SLC7A14: variants seen among roughly 807,000 people sequenced by gnomAD.
SLC7A14 encodes the protein gamma-aminobutyric acid transporter SLC7A14.
A neutral mutation model predicts 60.2 loss-of-function variants in SLC7A14; 37 were observed. The observed-to-expected ratio is 0.61, with a 90% CI of 0.47 to 0.81. SLC7A14 has a LOEUF of 0.81. Among genes scored for constraint, SLC7A14 ranks in the 30% least tolerant of loss-of-function variants. SLC7A14 has a pLI of 0.00. For missense variants in SLC7A14, 886 were observed against 982.7 expected, an observed-to-expected ratio of 0.90 and a Z score of 1.32; for synonymous variants, 399 against 395.8, an observed-to-expected ratio of 1.01 and a Z score of -0.10.
At chr3:170,555,540 A>T (rs547680907) in intron 1 of SLC7A14, among the ~76,000 whole-genome samples, 8 of 152,310 alleles carry the variant, frequency 5.3e-5, no homozygotes, top group African/African-American at 1.9e-4. Flanking sequence ...AGGCAATTTC[A>T]TCACTGTGCA....
chr3:170,493,510 T>A (rs1712283267), intron 4 of SLC7A14, among the ~76,000 whole-genome samples: 1 of 152,116 alleles, frequency 6.6e-6, no homozygotes. Context: ...AAGAATAAAG[T>A]GGGTTGGACC....
intron 1 of SLC7A14, among the ~76,000 whole-genome samples, chr3:170,573,018 A>G (rs1030968891): frequency 1.3e-5 from 2 of 152,204 alleles, no homozygotes; most frequent in Non-Finnish European, 2.9e-5. Flanking sequence ...TTCCTTCAGC[A>G]TTTTGTAGAT....
At chr3:170,510,703 C>T (rs2108285740) in intron 2 of SLC7A14, among the ~76,000 whole-genome samples, 1 of 152,316 alleles carries the variant, frequency 6.6e-6, no homozygotes, top group South Asian at 2.1e-4. Flanking sequence ...CCAAGCCAAT[C>T]TTCTGGCCCA....
At chr3:170,554,896 C>T (rs776758645) in intron 1 of SLC7A14, among the ~76,000 whole-genome samples, 1 of 152,086 alleles carries the variant, frequency 6.6e-6, no homozygotes, top group Non-Finnish European at 1.5e-5. Flanking sequence ...GGGACGGGCG[C>T]GGTGGCTCAC....
chr3:170,570,450 A>AAAAATAAAATAAAATAAAAT (rs572254632), intron 1 of SLC7A14: 3,390 of 145,054 alleles, frequency 0.023, 116 homozygotes, highest in African/African-American at 0.074. Context: ...CCCTGTCTCA[A>AAAAATAAAATAAAATAAAAT]AAAATAAAAT....
chr3:170,493,996 A>G (rs925688228), intron 4 of SLC7A14, among the ~76,000 whole-genome samples: 2 of 152,248 alleles, frequency 1.3e-5, no homozygotes, highest in Non-Finnish European at 2.9e-5. Flanking sequence ...TTTCTTGGCC[A>G]ATGACAAATC....
chr3:170,550,812 G>A (rs1039938546), intron 1 of SLC7A14, among the ~76,000 whole-genome samples: 3 of 151,904 alleles, frequency 2.0e-5, no homozygotes, highest in South Asian at 2.1e-4. Flanking sequence ...ATGAGACACC[G>A]CGCCCAACCA....
intron 4 of SLC7A14, chr3:170,495,863 G>GAAC: frequency 7.9e-7 from 1 of 1,259,498 alleles, no homozygotes; most frequent in East Asian, 2.3e-5. Flanking sequence ...AGAGCTACAT[G>GAAC]AACAACCTTA....
chr3:170,509,550 C>A (rs1712899559), intron 2 of SLC7A14, among the ~76,000 whole-genome samples: 1 of 152,228 alleles, frequency 6.6e-6, no homozygotes, highest in African/African-American at 2.4e-5. Context: ...TGGCTCACAC[C>A]TGTAATCCCA....
chr3:170,523,243 A>G (rs1395689846), intron 2 of SLC7A14, among the ~76,000 whole-genome samples: 1 of 152,240 alleles, frequency 6.6e-6, no homozygotes, highest in African/African-American at 2.4e-5. Context: ...ACAGCTAGTC[A>G]GTGGCTGAAC....
chr3:170,572,038 G>A (rs1201061347), intron 1 of SLC7A14, among the ~76,000 whole-genome samples: 2 of 135,396 alleles, frequency 1.5e-5, no homozygotes, highest in African/African-American at 5.4e-5. Context: ...TTCAGCCTGG[G>A]CAATAGAGGG....
In SLC7A14 at chr3:170,463,874, T is replaced by A. The variant is rs1374619503; in HGVS notation, c.*3181A>T. On this transcript the variant is annotated 3_prime_UTR_variant, in exon 8 of 8. Coordinates refer to ENST00000231706, the MANE Select transcript of SLC7A14 (RefSeq NM_020949.3). Reference sequence around the variant, plus strand: ...TGCCAGGCACATGTAGCTAGCAAAATCTAGGTTTGAAGCTTACCTGTGGAT... The same window carrying A: ...TGCCAGGCACATGTAGCTAGCAAAAACTAGGTTTGAAGCTTACCTGTGGAT... 1 of 152,222 alleles carries A rather than the reference T, an allele frequency of 6.6e-6. No homozygotes were observed. The highest frequency in any genetic ancestry group is 1.5e-5 in the Non-Finnish European group (1 of 68,044). The allele number at this position is 152,222 out of a possible 1,614,324, so 9.4% of individuals were successfully genotyped here.
At chr3:170,467,921 T>C (rs148073667) in intron 7 of SLC7A14, among the ~76,000 whole-genome samples, 1 of 152,364 alleles carries the variant, frequency 6.6e-6, no homozygotes, top group Non-Finnish European at 1.5e-5. Flanking sequence ...TATATTATCC[T>C]GTGATTTACC....
Position 170,486,242 on chromosome 3 carries a change from A to C in SLC7A14, c.886T>G (p.Cys296Gly). Residue 296 changes from cysteine (C) to glycine (G), a missense_variant, in exon 5 of 8, where the codon TGC becomes GGC. Physicochemically the swap from Cys to Gly is radical, Grantham distance 159 (BLOSUM62 -3). Transcript: ENST00000231706. The stretch of plus-strand genomic sequence containing the variant: ...CTTACAGACACATATGCTGTCAGGC[A>C]GATGACCAGGGAGGCAGTGATAGCA... ...PYAITASLVI[C>G]LTAYVSVSVI... 6.2e-7 allele frequency: 1 copy of C among 1,614,232 alleles called. No individual in the cohort carries two copies.
intron 1 of SLC7A14, among the ~76,000 whole-genome samples, chr3:170,583,038 A>G (rs1056216958): frequency 2.0e-5 from 3 of 152,244 alleles, no homozygotes; most frequent in Non-Finnish European, 4.4e-5. Flanking sequence ...TAAGCATTTC[A>G]TAGATATTAG....
intron 2 of SLC7A14, among the ~76,000 whole-genome samples, chr3:170,516,229 A>G (rs1241860887): frequency 6.6e-6 from 1 of 152,198 alleles, no homozygotes; most frequent in Non-Finnish European, 1.5e-5. Flanking sequence ...AGCTACATGA[A>G]CTTTACAACA....
chr3:170,558,609 T>C (rs1714550539), intron 1 of SLC7A14, among the ~76,000 whole-genome samples: 1 of 152,196 alleles, frequency 6.6e-6, no homozygotes, highest in Non-Finnish European at 1.5e-5. Flanking sequence ...TCTGGGAAAA[T>C]AGCCAGTTTT....
intron 7 of SLC7A14, among the ~76,000 whole-genome samples, chr3:170,469,172 C>G (rs983968218): frequency 6.6e-6 from 1 of 152,210 alleles, no homozygotes; most frequent in Non-Finnish European, 1.5e-5. Flanking sequence ...ACTTTGCTAA[C>G]CCTGCAGGCT....
intron 1 of SLC7A14, among the ~76,000 whole-genome samples, chr3:170,544,794 A>G (rs1408974277): frequency 6.6e-6 from 1 of 152,230 alleles, no homozygotes; most frequent in African/African-American, 2.4e-5. Flanking sequence ...CTCCCAAGGT[A>G]AAGATGAGGA....
Sources: allele counts gnomAD v4.1 joint callset (sites outside exome capture counted in the v4.1 genomes callset), GRCh38; gene constraint gnomAD v4.1.1; transcripts MANE v1.5; gene names NCBI Gene and HGNC (gene_info 2026-07-23, HGNC 2026-07-21).